EPAS1: variants seen among roughly 807,000 people sequenced by gnomAD.
EPAS1 encodes endothelial PAS domain-containing protein 1.
In EPAS1, 23 loss-of-function variants were observed where a neutral mutation model predicts 87.9. That is an observed-to-expected ratio of 0.26 (90% CI 0.19 to 0.37). The LOEUF (loss-of-function observed/expected upper bound fraction) is 0.37, where lower values mean the gene tolerates loss of function less well. Ranked by LOEUF, EPAS1 falls within the 10% of genes least tolerant of loss-of-function variation. EPAS1 has a pLI of 1.00. For synonymous variants in EPAS1, 508 were observed against 444.3 expected (o/e 1.14, Z -1.80); for missense variants, 1,138 against 1,120.7 (o/e 1.02, Z -0.22).
chr2:46,310,412 A>G (rs1435324860), intron 1 of EPAS1, among the ~76,000 whole-genome samples: 1 of 152,192 alleles, frequency 6.6e-6, no homozygotes. Context: ...TCCAAGTCAG[A>G]CCATCCCTTT....
intron 1 of EPAS1, among the ~76,000 whole-genome samples, chr2:46,345,648 G>A (rs1226160078): frequency 6.6e-6 from 1 of 152,134 alleles, no homozygotes; most frequent in Non-Finnish European, 1.5e-5. Flanking sequence ...AGCCAAGGTA[G>A]TACTGCTTAA....
chr2:46,382,972 G>A (rs921839923), intron 15 of EPAS1, among the ~76,000 whole-genome samples: 1 of 152,204 alleles, frequency 6.6e-6, no homozygotes, highest in African/African-American at 2.4e-5. Context: ...AAGAGCAGGC[G>A]GCCACAGTGG....
In EPAS1 at chr2:46,384,567, C is replaced by T. The variant is rs749856967; in HGVS notation, c.2520C>T (p.Thr840=). The stretch of plus-strand genomic sequence containing the variant: ...AGTCCTACCTGCTGCCCGAACTGAC[C>T]AGATATGACTGTGAGGTGAACGTGC... ...SFESYLLPEL[T]RYDCEVNVPV... is the part of the protein sequence containing the mutation. The change falls in exon 16 of 16, where the codon ACC becomes ACT. Residue 840 remains threonine, a synonymous_variant. Coordinates refer to ENST00000263734, the MANE Select transcript of EPAS1 (RefSeq NM_001430.5). The T allele has an allele frequency of 4.3e-6, 7 of 1,614,176 alleles. No homozygotes were observed. The South Asian group carries it at 4.4e-5, about 10-fold the overall frequency.
intron 1 of EPAS1, among the ~76,000 whole-genome samples, chr2:46,342,441 A>G (rs982527063): frequency 1.3e-5 from 2 of 152,232 alleles, no homozygotes; most frequent in Non-Finnish European, 2.9e-5. Context: ...AGCTGGCTTA[A>G]TTAGCCTCAG....
At chr2:46,322,403 T>C (rs1183653588) in intron 1 of EPAS1, among the ~76,000 whole-genome samples, 1 of 152,194 alleles carries the variant, frequency 6.6e-6, no homozygotes, top group African/African-American at 2.4e-5. Context: ...CCGCAGGACT[T>C]ATTTGTGACT....
chr2:46,366,652 G>T (rs78841322), intron 6 of EPAS1, among the ~76,000 whole-genome samples: 2,349 of 152,262 alleles, frequency 0.015, 26 homozygotes, highest in Non-Finnish European at 0.02. Flanking sequence ...AGTTGACTTT[G>T]AAATTTACGG....
At chr2:46,312,247 A>T (rs574890831) in intron 1 of EPAS1, among the ~76,000 whole-genome samples, 22 of 152,276 alleles carry the variant, frequency 1.4e-4, no homozygotes, top group African/African-American at 5.1e-4. Context: ...TCCCTGGCAA[A>T]GCCTACCTCC....
At chr2:46,349,844 G>C (rs6716997) in intron 2 of EPAS1, among the ~76,000 whole-genome samples, 2,719 of 152,294 alleles carry the variant, frequency 0.018, 95 homozygotes, top group African/African-American at 0.062. Flanking sequence ...CACATGTAGC[G>C]TTATGAAGAG....
At position 46,358,988 on chromosome 2, in the gene EPAS1, C is replaced by T. The variant is rs575668938; in HGVS notation, c.455-1650C>T. Among the ~76,000 whole-genome samples, 36 of 152,130 alleles carry T rather than the reference C, an allele frequency of 2.4e-4. No homozygotes were observed. The Middle Eastern group carries it at 0.01, about 43-fold the overall frequency. ...TAGAAAGAATGAACAAGGCCAGGCA[C>T]GGTGGCTCACGCCTGTAATCCCAGG... On this transcript the variant is annotated intron_variant, in intron 4 of 15. Coordinates refer to ENST00000263734, the MANE Select transcript of EPAS1 (RefSeq NM_001430.5).
chr2:46,322,449 A>G (rs144784429), intron 1 of EPAS1, among the ~76,000 whole-genome samples: 2 of 152,286 alleles, frequency 1.3e-5, no homozygotes, highest in Admixed American at 1.3e-4. Flanking sequence ...AGTGTGCATC[A>G]GAACTGCCTG....
At chr2:46,315,003 C>A (rs1245334776) in intron 1 of EPAS1, among the ~76,000 whole-genome samples, 1 of 152,118 alleles carries the variant, frequency 6.6e-6, no homozygotes, top group Non-Finnish European at 1.5e-5. Flanking sequence ...TGACGGAGAG[C>A]ACCCTCAACT....
intron 1 of EPAS1, among the ~76,000 whole-genome samples, chr2:46,302,734 G>GAAAAAAAA (rs368452487): frequency 8.4e-6 from 1 of 119,538 alleles, no homozygotes; most frequent in Admixed American, 8.1e-5. Context: ...GTCTGATTAG[G>GAAAAAAAA]AAAAAAAAAA....
At chr2:46,310,098 A>ACC (rs2104841153) in intron 1 of EPAS1, among the ~76,000 whole-genome samples, 1 of 152,334 alleles carries the variant, frequency 6.6e-6, no homozygotes, top group East Asian at 1.9e-4. Flanking sequence ...TTCTCAGGGT[A>ACC]ATAAACGCCA....
intron 15 of EPAS1, among the ~76,000 whole-genome samples, chr2:46,383,823 C>A (rs1684953437): frequency 6.6e-6 from 1 of 152,146 alleles, no homozygotes; most frequent in African/African-American, 2.4e-5. Flanking sequence ...CAGGCATGGA[C>A]CCCAGCAAGG....
chr2:46,360,960 C>A lies in EPAS1; in HGVS notation c.649C>A (p.Pro217Thr), dbSNP rs762754699. 8.1e-6 allele frequency: 13 copies of A among 1,614,084 alleles called. No homozygotes were observed. The African/African-American group carries it at 9.3e-5, about 12-fold the overall frequency. The change falls in exon 6 of 16, where the codon CCC (proline) becomes ACC (threonine). Residue 217 changes from proline (P) to threonine (T), a missense_variant. Coordinates refer to ENST00000263734, the MANE Select transcript of EPAS1 (RefSeq NM_001430.5). The surrounding 1 kb of genome is among the most constrained non-coding windows in gnomAD (Gnocchi z 4.5). ...PHNSLCGYKE[P>T]LLSCLIIMCE... is the part of the protein sequence containing the mutation. ...CAATAGTCTGTGTGGCTACAAGGAGCCCCTGCTGTCCTGCCTCATCATCAT... is the reference window on the plus strand; with the variant it reads ...CAATAGTCTGTGTGGCTACAAGGAGACCCTGCTGTCCTGCCTCATCATCAT...
rs34136947 is a variant in EPAS1 at position 46,356,920 on chromosome 2, T to G, written c.454+112T>G. On this transcript the variant is annotated intron_variant, in intron 4 of 15. Transcript: ENST00000263734. ...CATGGCCCTTGTGATGCAGGAAAAATGGATGTCCTTAAAAAATTTAAGTAT... is the reference window on the plus strand; with the variant it reads ...CATGGCCCTTGTGATGCAGGAAAAAGGGATGTCCTTAAAAAATTTAAGTAT... 0.18 allele frequency: 143,585 copies of G among 789,734 alleles called. 14,806 individuals are homozygous for G. Among genetic ancestry groups the G allele is most frequent in the Admixed American group, 0.32 (16,220 of 50,164 alleles). The allele number at this position is 789,734 out of a possible 1,614,324, so 48.9% of individuals were successfully genotyped here.
intron 1 of EPAS1, among the ~76,000 whole-genome samples, chr2:46,310,783 A>G (rs1481292866): frequency 6.6e-6 from 1 of 152,224 alleles, no homozygotes; most frequent in Non-Finnish European, 1.5e-5. Context: ...CATCCAAGTC[A>G]CTTTAGCTCA....
chr2:46,369,746 T>C (rs911936390), intron 6 of EPAS1, 81 bp from the exon 7 acceptor site: 8 of 978,754 alleles, frequency 8.2e-6, no homozygotes, highest in Non-Finnish European at 1.3e-5. Context: ...TGATTTGCCT[T>C]CTGGGGTTAG....
chr2:46,355,218 G>A (rs77650388), intron 2 of EPAS1, among the ~76,000 whole-genome samples: 1,879 of 152,284 alleles, frequency 0.012, 20 homozygotes, highest in Non-Finnish European at 0.02. Flanking sequence ...AGAATTTACT[G>A]TTCTTATAGT....
Sources: gnomAD v4.1 joint callset for allele counts (sites outside exome capture counted in the v4.1 genomes callset) on GRCh38, gnomAD v4.1.1 for gene constraint, Gnocchi (gnomAD v3.1) non-coding constraint, MANE v1.5 for transcripts, NCBI Gene and HGNC (gene_info 2026-07-23, HGNC 2026-07-21) for gene names.